LHFPL3: variants seen among roughly 807,000 people sequenced by gnomAD.
The protein encoded by LHFPL3 is LHFPL tetraspan subfamily member 3 protein.
Under a neutral mutation model 19.3 loss-of-function variants are expected in LHFPL3, and 5 were observed. The observed-to-expected ratio is 0.26, with a 90% CI of 0.14 to 0.54. The LOEUF (loss-of-function observed/expected upper bound fraction) is 0.54. Among genes scored for constraint, LHFPL3 ranks in the 20% least tolerant of loss-of-function variants. The probability of loss-of-function intolerance (pLI) is 0.94; values close to 1 mark genes in which losing one functional copy is unlikely to be tolerated. For synonymous variants in LHFPL3, 133 were observed against 126.2 expected (o/e 1.05, Z -0.36); for missense variants, 249 against 307.4 (o/e 0.81, Z 1.42).
chr7:104,356,655 A>T (rs898346929), intron 1 of LHFPL3, among the ~76,000 whole-genome samples: 2 of 152,084 alleles, frequency 1.3e-5, no homozygotes, highest in African/African-American at 4.8e-5. Context: ...TTGCCTCCAG[A>T]CTCCTAGGAC....
intron 1 of LHFPL3, chr7:104,669,036 A>G (rs1792420802): frequency 1.2e-6 from 2 of 1,612,140 alleles, no homozygotes; most frequent in East Asian, 2.2e-5. Context: ...CCTCCACCAC[A>G]TCTGGCAGAA....
intron 1 of LHFPL3, among the ~76,000 whole-genome samples, chr7:104,471,146 C>T (rs1034573): frequency 0.065 from 9,924 of 152,130 alleles, 877 homozygotes; most frequent in African/African-American, 0.2. Context: ...ACATTTCTTT[C>T]TATACGGTGT....
chr7:104,500,834 T>C (rs1003171242), intron 1 of LHFPL3, among the ~76,000 whole-genome samples: 3 of 152,184 alleles, frequency 2.0e-5, no homozygotes, highest in African/African-American at 7.2e-5. Flanking sequence ...CTGTCCTCCT[T>C]CACGTCTCCC....
chr7:104,817,476 A>G (rs1301349349), intron 2 of LHFPL3, among the ~76,000 whole-genome samples: 5 of 152,148 alleles, frequency 3.3e-5, no homozygotes, highest in East Asian at 1.9e-4. Context: ...TTCCCCTTCA[A>G]TACAGTCTCT....
At chr7:104,756,690 G>A (rs1188726991) in intron 2 of LHFPL3, among the ~76,000 whole-genome samples, 3 of 151,998 alleles carry the variant, frequency 2.0e-5, no homozygotes, top group African/African-American at 7.3e-5. Flanking sequence ...AGTAGAGATG[G>A]GGTTTCACCA....
intron 1 of LHFPL3, among the ~76,000 whole-genome samples, chr7:104,497,177 A>G (rs1023219936): frequency 2.6e-5 from 4 of 152,168 alleles, no homozygotes; most frequent in African/African-American, 7.2e-5. Flanking sequence ...AAACAAAAAA[A>G]AAAGCATTCT....
chr7:104,762,794 A>G (rs1009315386), intron 2 of LHFPL3, among the ~76,000 whole-genome samples: 2 of 152,218 alleles, frequency 1.3e-5, no homozygotes, highest in African/African-American at 4.8e-5. Flanking sequence ...AGAAGATTTC[A>G]CATCTTGCAT....
intron 1 of LHFPL3, chr7:104,667,802 A>G: frequency 1.2e-6 from 2 of 1,604,106 alleles, no homozygotes; most frequent in East Asian, 4.5e-5. Context: ...TCTCCCTAAC[A>G]GACTTTCTGG....
intron 1 of LHFPL3, among the ~76,000 whole-genome samples, chr7:104,575,856 C>A (rs1031178430): frequency 2.0e-5 from 3 of 152,114 alleles, no homozygotes; most frequent in African/African-American, 7.2e-5. Flanking sequence ...CTCCTACCTG[C>A]AAATGGCATT....
rs180706704 is a variant in LHFPL3 at position 104,658,950 on chromosome 7, T to A, written c.446-77725T>A. Among the ~76,000 whole-genome samples the A allele has an allele frequency of 2.2e-3, 331 of 152,150 alleles. 2 individuals are homozygous for A. The highest frequency in any genetic ancestry group is 3.2e-3 in the Non-Finnish European group (219 of 67,988). The stretch of plus-strand genomic sequence containing the variant: ...GGAAAAGCTGGAAGAGATGAAGGAG[T>A]GAGCATAACTAACATTACTTTATTA... On this transcript the variant is annotated intron_variant, in intron 1 of 2. Transcript: ENST00000424859.
At chr7:104,521,138 G>A (rs1794050365) in intron 1 of LHFPL3, among the ~76,000 whole-genome samples, 3 of 152,064 alleles carry the variant, frequency 2.0e-5, no homozygotes, top group Admixed American at 2.0e-4. Flanking sequence ...AGAGATTCTG[G>A]TATGTTGTGT....
At chr7:104,810,268 AGCCATT>A (rs779060995) in intron 2 of LHFPL3, among the ~76,000 whole-genome samples, 7 of 152,168 alleles carry the variant, frequency 4.6e-5, no homozygotes, top group Non-Finnish European at 1.5e-5. Context: ...GGCAATGAGA[AGCCATT>A]GCAGGGATTT....
chr7:104,525,397 A>G (rs1372499903), intron 1 of LHFPL3, among the ~76,000 whole-genome samples: 1 of 152,052 alleles, frequency 6.6e-6, no homozygotes, highest in Admixed American at 6.6e-5. Flanking sequence ...ATTCTAGGAT[A>G]ATGCAGATAC....
chr7:104,510,932 G>C (rs910888343), intron 1 of LHFPL3, among the ~76,000 whole-genome samples: 27 of 152,008 alleles, frequency 1.8e-4, no homozygotes, highest in African/African-American at 6.3e-4. Context: ...AGAGGATCAG[G>C]AAAAATAACT....
intron 1 of LHFPL3, among the ~76,000 whole-genome samples, chr7:104,583,786 A>G (rs1420065891): frequency 6.6e-6 from 1 of 151,916 alleles, no homozygotes; most frequent in Non-Finnish European, 1.5e-5. Flanking sequence ...TAGAATGGCG[A>G]TCATTAAAAA....
intron 1 of LHFPL3, among the ~76,000 whole-genome samples, chr7:104,617,146 A>G (rs1393423613): frequency 2.6e-5 from 4 of 152,206 alleles, no homozygotes; most frequent in African/African-American, 7.2e-5. Flanking sequence ...CAATCCCATT[A>G]TTGAGTATAT....
At chr7:104,545,327 A>G (rs1794558919) in intron 1 of LHFPL3, among the ~76,000 whole-genome samples, 1 of 152,180 alleles carries the variant, frequency 6.6e-6, no homozygotes. Flanking sequence ...TGAATAGGCT[A>G]TTCTGGACCT....
At position 104,679,193 on chromosome 7, in the gene LHFPL3, T is replaced by C. The variant is rs1488089847; in HGVS notation, c.446-57482T>C. On this transcript the variant is annotated intron_variant, in intron 1 of 2. Coordinates refer to ENST00000424859, the MANE Select transcript of LHFPL3 (RefSeq NM_199000.3). ...GTAAGTGGAGAATCCACTTCCAATA[T>C]GGCTGTCGGCAAGAAGCCTCAGCTC... Among the ~76,000 whole-genome samples, 6 of 152,338 alleles carry C rather than the reference T, an allele frequency of 3.9e-5. No individual in the cohort carries two copies. The South Asian group carries it at 8.3e-4, about 21-fold the overall frequency.
At chr7:104,683,260 G>A (rs1045555019) in intron 1 of LHFPL3, among the ~76,000 whole-genome samples, 6 of 152,182 alleles carry the variant, frequency 3.9e-5, no homozygotes, top group Non-Finnish European at 8.8e-5. Context: ...AAAGTGCTGG[G>A]AATACAGGCG....
Sources: allele counts gnomAD v4.1 joint callset (sites outside exome capture counted in the v4.1 genomes callset), GRCh38; gene constraint gnomAD v4.1.1; transcripts MANE v1.5; gene names NCBI Gene and HGNC (gene_info 2026-07-23, HGNC 2026-07-21).